GRIA1: variants seen among roughly 807,000 people sequenced by gnomAD.
GRIA1 encodes the protein glutamate receptor 1.
In GRIA1, 31 loss-of-function variants were observed where a neutral mutation model predicts 99.2. The observed-to-expected ratio is 0.31, with a 90% CI of 0.23 to 0.42. The LOEUF (loss-of-function observed/expected upper bound fraction) is 0.42, where lower values mean the gene tolerates loss of function less well. GRIA1 is among the 10% of genes least tolerant of loss of function. GRIA1 has a pLI of 1.00. For missense variants in GRIA1, 782 were observed against 1,157.5 expected, an observed-to-expected ratio of 0.68 and a Z score of 4.71; for synonymous variants, 438 against 432.4, an observed-to-expected ratio of 1.01 and a Z score of -0.16.
chr5:153,514,849 A>T (rs971505663), intron 2 of GRIA1, among the ~76,000 whole-genome samples: 1 of 152,156 alleles, frequency 6.6e-6, no homozygotes, highest in Non-Finnish European at 1.5e-5. Flanking sequence ...ACAGATATAT[A>T]AAAAAATGTT....
At chr5:153,513,894 A>G (rs1756351879) in intron 2 of GRIA1, among the ~76,000 whole-genome samples, 1 of 152,206 alleles carries the variant, frequency 6.6e-6, no homozygotes, top group African/African-American at 2.4e-5. Context: ...CAGTCTTTAC[A>G]GGCATGGAAT....
At chr5:153,655,937 T>A in intron 5 of GRIA1, 65 bp downstream of exon 5, 1 of 1,391,618 alleles carries the variant, frequency 7.2e-7, no homozygotes, top group South Asian at 1.2e-5. Context: ...ACCTTGCTTC[T>A]GTTGTCCCTG....
intron 15 of GRIA1, among the ~76,000 whole-genome samples, chr5:153,810,006 G>A (rs1272792410): frequency 6.6e-6 from 1 of 151,980 alleles, no homozygotes; most frequent in African/African-American, 2.4e-5. Flanking sequence ...AGTTTGAGAT[G>A]GACAGTAAAA....
At chr5:153,592,357 G>T (rs1007742263) in intron 2 of GRIA1, among the ~76,000 whole-genome samples, 4 of 152,144 alleles carry the variant, frequency 2.6e-5, no homozygotes, top group Admixed American at 6.5e-5. Context: ...AGAGTTAGCA[G>T]AGTCCAGGTT....
chr5:153,745,008 A>G (rs1475515866), intron 11 of GRIA1, among the ~76,000 whole-genome samples: 3 of 152,138 alleles, frequency 2.0e-5, no homozygotes, highest in Non-Finnish European at 4.4e-5. Context: ...CTAGCTTCGG[A>G]GGCAATACTT....
intron 13 of GRIA1, among the ~76,000 whole-genome samples, chr5:153,772,155 G>T (rs1390210874): frequency 1.3e-5 from 2 of 151,848 alleles, no homozygotes; most frequent in Non-Finnish European, 2.9e-5. Context: ...ATTGAAAGCA[G>T]AACAATAAAG....
At chr5:153,646,741 A>T (rs184305801) in intron 2 of GRIA1, among the ~76,000 whole-genome samples, 187 bp from the exon 3 acceptor site, 1 of 152,284 alleles carries the variant, frequency 6.6e-6, no homozygotes, top group East Asian at 1.9e-4. Context: ...ATGGATGGAC[A>T]GTTGGATAGA....
chr5:153,726,441 T>A (rs1581546805), intron 11 of GRIA1, among the ~76,000 whole-genome samples: 1 of 148,348 alleles, frequency 6.7e-6, no homozygotes, highest in Admixed American at 6.7e-5. Context: ...AAAAAATTAA[T>A]GAATCCAGGA....
At chr5:153,657,651 C>T (rs1455940257) in intron 5 of GRIA1, among the ~76,000 whole-genome samples, 1 of 152,162 alleles carries the variant, frequency 6.6e-6, no homozygotes, top group Non-Finnish European at 1.5e-5. Flanking sequence ...CCTGCCTAAT[C>T]CAGAAATTCT....
intron 2 of GRIA1, among the ~76,000 whole-genome samples, chr5:153,564,881 AAGT>A (rs1761479301): frequency 1.3e-5 from 2 of 152,232 alleles, no homozygotes; most frequent in East Asian, 1.9e-4. Context: ...ATATGTCAGA[AAGT>A]AGTAGCTTAG....
chr5:153,514,411 T>G (rs951791693), intron 2 of GRIA1, among the ~76,000 whole-genome samples: 1 of 152,222 alleles, frequency 6.6e-6, no homozygotes, highest in African/African-American at 2.4e-5. Context: ...TGCATGTGAA[T>G]AGCCAGCTTT....
chr5:153,668,363 T>C (rs137917314), intron 5 of GRIA1, among the ~76,000 whole-genome samples: 294 of 152,288 alleles, frequency 1.9e-3, no homozygotes, highest in African/African-American at 6.7e-3. Context: ...ATCACCTGAT[T>C]TTATATGGCT....
chr5:153,677,743 G>T (rs902803530), intron 7 of GRIA1, among the ~76,000 whole-genome samples: 1 of 152,208 alleles, frequency 6.6e-6, no homozygotes, highest in Admixed American at 6.5e-5. Context: ...AGATACAACA[G>T]AGAGAAGCAT....
At chr5:153,546,769 G>C (rs971168420) in intron 2 of GRIA1, among the ~76,000 whole-genome samples, 32 of 152,290 alleles carry the variant, frequency 2.1e-4, no homozygotes, top group African/African-American at 7.7e-4. Flanking sequence ...TCTTTCATTA[G>C]TGGGTATGTT....
intron 2 of GRIA1, among the ~76,000 whole-genome samples, chr5:153,635,789 T>C (rs912240475): frequency 2.6e-5 from 4 of 152,184 alleles, no homozygotes; most frequent in African/African-American, 4.8e-5. Context: ...TTGGTACATA[T>C]TCACTTTTTG....
chr5:153,609,763 A>G (rs1994860), intron 2 of GRIA1, among the ~76,000 whole-genome samples: 33,492 of 151,536 alleles, frequency 0.22, 4,247 homozygotes, highest in Non-Finnish European at 0.29. Flanking sequence ...AGGTTTCACC[A>G]TGTTAGCCAG....
intron 2 of GRIA1, among the ~76,000 whole-genome samples, chr5:153,581,850 A>G (rs1337490456): frequency 6.6e-6 from 1 of 151,410 alleles, no homozygotes; most frequent in African/African-American, 2.4e-5. Flanking sequence ...CCCTGCCTCC[A>G]AGGTTCAACC....
At position 153,543,494 on chromosome 5, in the gene GRIA1, A is replaced by G. The variant is rs1759326348; in HGVS notation, c.220+49429A>G. ...ATTTCCTGAGAGCCTACATTTAGTA[A>G]ACTAAGACAAAGTCAGAATTTGATA... On this transcript the variant is annotated intron_variant, in intron 2 of 15. Transcript: ENST00000285900. 2.6e-5 allele frequency among the ~76,000 whole-genome samples: 4 copies of G among 152,204 alleles called. No individual in the cohort carries two copies. The South Asian group carries it at 8.3e-4, about 32-fold the overall frequency.
chr5:153,806,301 T>A lies in GRIA1; in HGVS notation c.2520+3811T>A, dbSNP rs973689438. ...TTTATTTTGAGACGGAGTCTCACCC[T>A]GTTGTCCAGGCTGGAGTTCAGTGGT... On this transcript the variant is annotated intron_variant, in intron 15 of 15. Transcript: ENST00000285900. Among the ~76,000 whole-genome samples the A allele has an allele frequency of 3.9e-5, 6 of 152,190 alleles. No individual in the cohort carries two copies. The East Asian group carries it at 1.2e-3, about 29-fold the overall frequency.
Sources: gnomAD v4.1 joint callset for allele counts (sites outside exome capture counted in the v4.1 genomes callset) on GRCh38, gnomAD v4.1.1 for gene constraint, MANE v1.5 for transcripts, NCBI Gene and HGNC (gene_info 2026-07-23, HGNC 2026-07-21) for gene names.